The following SCNN1A variants were observed in gnomAD, a reference collection of about 807,000 sequenced individuals.
The protein encoded by SCNN1A is epithelial sodium channel subunit alpha.
In SCNN1A, 65 loss-of-function variants were observed where a neutral mutation model predicts 68.6. That is an observed-to-expected ratio of 0.95 (90% confidence interval 0.78 to 1.16). The LOEUF is 1.16. Ranked by LOEUF, SCNN1A falls within the 50% of genes most tolerant of loss-of-function variation. The pLI, the probability that SCNN1A is intolerant of heterozygous loss-of-function variation, is 0.00. For missense variants in SCNN1A, 880 were observed against 865.9 expected, an observed-to-expected ratio of 1.02 and a Z score of -0.20; for synonymous variants, 357 against 353.3, an observed-to-expected ratio of 1.01 and a Z score of -0.12.
chr12:6,366,327 CAT>C (rs1393465240), intron 2 of SCNN1A, among the ~76,000 whole-genome samples: 1 of 152,194 alleles, frequency 6.6e-6, no homozygotes, highest in Admixed American at 6.5e-5. Flanking sequence ...GCCCCCACAA[CAT>C]ACACACACAA....
At chr12:6,355,682 G>A (rs1948484725) in intron 5 of SCNN1A, 95 bp downstream of exon 5, 1 of 978,786 alleles carries the variant, frequency 1.0e-6, no homozygotes, top group Non-Finnish European at 1.7e-6. Context: ...CAGCAGGCAG[G>A]ACCCCTCCCA....
In SCNN1A at chr12:6,363,532, C is replaced by A. The variant is rs753587879; in HGVS notation, c.595G>T (p.Gly199Trp). ...QRLRVPPPPH[G>W]ARRARSVASS... is the part of the protein sequence containing the mutation. ...GCCACGCTACGGGCTCGACGGGCCC[C>A]GTGAGGCGGGGGCGGGACCCTCAGG... The change falls in exon 3 of 13, where the codon GGG becomes TGG. Residue 199 changes from glycine (G) to tryptophan (W), a missense_variant. By Grantham distance (184) the Gly-to-Trp change is radical. Transcript: ENST00000228916. 3 of 1,609,454 alleles carry A rather than the reference C, an allele frequency of 1.9e-6. No individual in the cohort carries two copies. The highest frequency in any genetic ancestry group is 2.2e-5 in the East Asian group (1 of 44,720).
rs1418937220 is a variant in SCNN1A, at chr12:6,354,479, T to G, written c.1319A>C (p.Gln440Pro). 6.2e-7 allele frequency: 1 copy of G among 1,613,418 alleles called. No individual in the cohort carries two copies. Among genetic ancestry groups the G allele is most frequent in the Non-Finnish European group, 8.5e-7 (1 of 1,179,958 alleles). The change falls in exon 8 of 13, where the codon CAG becomes CCG. Residue 440 changes from glutamine (Q) to proline (P), a missense_variant. By Grantham distance (76) the Gln-to-Pro change is moderately conservative. Around this residue, in one of 3 missense-constraint regions of SCNN1A, gnomAD observed 758 missense variants for 721.8 expected, o/e 1.05. Coordinates refer to ENST00000228916, the MANE Select transcript of SCNN1A (RefSeq NM_001038.6). ...TCTGTAGTCACAGTACTCCACGTTC[T>G]GGGGCCGCGGATAGAAGATGTAGGC... ...GCAYIFYPRPQNVEYCDYRKH... is the reference protein window; with the variant it reads ...GCAYIFYPRPPNVEYCDYRKH...
In SCNN1A at chr12:6,363,427, G is replaced by C. The variant is rs1948616362; in HGVS notation, c.684+16C>G. 1.3e-6 allele frequency: 2 copies of C among 1,530,318 alleles called. No homozygotes were observed. The highest frequency in any genetic ancestry group is 4.1e-5 in the Admixed American group (2 of 48,776). 94.8% of individuals were successfully genotyped at this position (1,530,318 alleles called of 1,614,324 possible). A position where few individuals can be genotyped will look rare whatever the true frequency, so the allele number is the denominator to read the frequency against. ...GGCGAGGGGCGGGGCGGGCCCCTCG[G>C]CGCTGCGGGCCTCACCAGCTGGAAG... On this transcript the variant is annotated intron_variant, in intron 3 of 12. Coordinates refer to ENST00000228916, the MANE Select transcript of SCNN1A (RefSeq NM_001038.6).
intron 8 of SCNN1A, among the ~76,000 whole-genome samples, chr12:6,352,438 C>A (rs929174214): frequency 6.6e-6 from 1 of 152,138 alleles, no homozygotes. Flanking sequence ...GGAAGTAAGC[C>A]CTAGGAAATG....
In SCNN1A at chr12:6,348,021, G is replaced by A; in HGVS notation, c.1862C>T (p.Pro621Leu). 6.3e-7 allele frequency: 1 copy of A among 1,598,402 alleles called. No individual in the cohort carries two copies. The highest frequency in any genetic ancestry group is 1.3e-5 in the African/African-American group (1 of 74,538). ...SSPPSHFCPHPMSLSLSQPGP... is the reference protein window; with the variant it reads ...SSPPSHFCPHLMSLSLSQPGP... ...TGGCTGGGACAAGGACAGAGACATGGGGTGGGGGCAGAAGTGGGAAGGAGG... is the reference window on the plus strand; with the variant it reads ...TGGCTGGGACAAGGACAGAGACATGAGGTGGGGGCAGAAGTGGGAAGGAGG... Residue 621 changes from proline (P) to leucine (L), a missense_variant, in exon 13 of 13, where the codon CCC becomes CTC. Pro to Leu is a moderately conservative substitution (Grantham distance 98). Around this residue, in one of 3 missense-constraint regions of SCNN1A, gnomAD observed 758 missense variants for 721.8 expected, o/e 1.05. Transcript: ENST00000228916.
chr12:6,373,837 C>T (rs1439101222), intron 2 of SCNN1A, among the ~76,000 whole-genome samples: 1 of 152,130 alleles, frequency 6.6e-6, no homozygotes, highest in Non-Finnish European at 1.5e-5. Flanking sequence ...CACTTGCAGC[C>T]CTAACCTCCA....
rs905384098 is a variant in SCNN1A at position 6,362,384 on chromosome 12, G to A, written c.685-143C>T. 26 of 769,862 alleles carry A rather than the reference G, an allele frequency of 3.4e-5. No individual in the cohort carries two copies. In the Admixed American group the frequency reaches 4.6e-4, roughly 14 times the overall value. 47.7% of individuals were successfully genotyped at this position (769,862 alleles called of 1,614,324 possible). A position where few individuals can be genotyped will look rare whatever the true frequency, so the allele number is the denominator to read the frequency against. On this transcript the variant is annotated intron_variant, in intron 3 of 12. Transcript: ENST00000228916. The stretch of plus-strand genomic sequence containing the variant: ...GCCAGGAGTGGGGAAAGACAGAAGT[G>A]GAAGAGAAGCAGAAGTCCCTAGGAG...
chr12:6,352,891 G>T (rs1010406749), intron 8 of SCNN1A, among the ~76,000 whole-genome samples: 4 of 152,228 alleles, frequency 2.6e-5, no homozygotes, highest in African/African-American at 9.6e-5. Flanking sequence ...GCCTTTGAGG[G>T]CCTCTGTGTC....
At position 6,374,365 on chromosome 12, in the gene SCNN1A, G is replaced by T; in HGVS notation, c.416+3C>A. The stretch of plus-strand genomic sequence containing the variant: ...CAGGGAAGGGGCAGAGGGACTAACC[G>T]ACCTGTAGGGATTGAGGGTGCAGAT... On this transcript the variant is annotated splice_donor_region_variant and intron_variant, in intron 2 of 12. Transcript: ENST00000228916. This position sits in a 1 kb window ranked among gnomAD's most constrained non-coding sequence, Gnocchi z 6.2. 6.2e-7 allele frequency: 1 copy of T among 1,614,070 alleles called. No homozygotes were observed. The highest frequency in any genetic ancestry group is 8.5e-7 in the Non-Finnish European group (1 of 1,179,978).
At chr12:6,363,363 GA>G in intron 3 of SCNN1A, 79 bp downstream of exon 3, 4 of 1,319,362 alleles carry the variant, frequency 3.0e-6, no homozygotes, top group Non-Finnish European at 4.0e-6. Flanking sequence ...GGCGGGTCAG[GA>G]AAGGAGCGGA....
intron 4 of SCNN1A, among the ~76,000 whole-genome samples, chr12:6,357,279 GA>G (rs201439092): frequency 4.0e-5 from 6 of 149,120 alleles, no homozygotes; most frequent in South Asian, 2.1e-4. Flanking sequence ...ATAGAGCTTC[GA>G]AAAAAAAAAG....
At position 6,354,808 on chromosome 12, in the gene SCNN1A, G is replaced by A. The variant is rs767449498; in HGVS notation, c.1184C>T (p.Thr395Ile). The part of the protein sequence containing the change: ...DRLGGDYGDC[T>I]KNGSDVPVEN... ...AACAGGAACATCACTGCCATTCTTG[G>A]TGCAGTCGCCATAATCGCCCCCAAG... is the stretch of plus-strand genomic sequence containing the variant. Residue 395 changes from threonine (T) to isoleucine (I), a missense_variant, in exon 7 of 13, where the codon ACC becomes ATC. Transcript: ENST00000228916. 1.9e-6 allele frequency: 3 copies of A among 1,613,842 alleles called. No homozygotes were observed. Among genetic ancestry groups the A allele is most frequent in the Non-Finnish European group, 2.5e-6 (3 of 1,179,988 alleles).
Position 6,351,496 on chromosome 12 carries a change from G to A in SCNN1A, c.1361-2091C>T, listed in dbSNP as rs189244334. Among the ~76,000 whole-genome samples the A allele has an allele frequency of 9.4e-4, 143 of 152,146 alleles. No individual in the cohort carries two copies. The highest frequency in any genetic ancestry group is 3.3e-3 in the African/African-American group (136 of 41,498). ...AAATTAGCTGGGCTTGGCAGCATGC[G>A]CCTGTATGTAGTCCCAGGTACTCGG... On this transcript the variant is annotated intron_variant, in intron 8 of 12. Transcript: ENST00000228916. This position sits in a 1 kb window ranked among gnomAD's most constrained non-coding sequence, Gnocchi z 4.2.
At chr12:6,356,561 T>C (rs58989823) in intron 4 of SCNN1A, among the ~76,000 whole-genome samples, 34,613 of 152,160 alleles carry the variant, frequency 0.23, 8,529 homozygotes, top group African/African-American at 0.62. Flanking sequence ...AAGTGTTTCC[T>C]GGGAGCCTCT....
At chr12:6,355,556 A>G in intron 5 of SCNN1A, 121 bp from the exon 6 acceptor site, 1 of 1,245,054 alleles carries the variant, frequency 8.0e-7, no homozygotes, top group African/African-American at 1.5e-5. Context: ...CAAGTTCAGG[A>G]AGACCCGCAA....
At chr12:6,359,764 C>CTTT (rs59652159) in intron 4 of SCNN1A, among the ~76,000 whole-genome samples, 1,818 of 76,926 alleles carry the variant, frequency 0.024, 112 homozygotes, top group Non-Finnish European at 0.029. Context: ...TCAGATATTC[C>CTTT]TTTTTTTTTT....
Position 6,349,369 on chromosome 12 carries a change from G to T in SCNN1A, c.1397C>A (p.Ser466Ter). 6.2e-7 allele frequency: 1 copy of T among 1,609,714 alleles called. No homozygotes were observed. The highest frequency in any genetic ancestry group is 1.1e-5 in the South Asian group (1 of 90,480). The part of the protein sequence containing the change: ...CYYKLQVDFS[S>*]DHLGCFTKCR... ...CTTGGTGAAACAGCCCAGGTGGTCT[G>T]AGGAGAAGTCAACCTGGAGCTTATA... Residue 466 changes from serine to a stop codon, truncating the protein, a stop_gained, in exon 9 of 13, where the codon TCA becomes TAA. Transcript: ENST00000228916. LOFTEE classifies it high-confidence loss of function.
chr12:6,355,721 G>A (rs1271517117), intron 5 of SCNN1A, 56 bp downstream of exon 5: 2 of 1,234,760 alleles, frequency 1.6e-6, no homozygotes, highest in East Asian at 2.3e-5. Context: ...CTCAAGGTAA[G>A]TACAGGTGAG....
Sources: gnomAD v4.1 joint callset for allele counts (sites outside exome capture counted in the v4.1 genomes callset) on GRCh38, gnomAD v4.1.1 for gene constraint, gnomAD v4.1.1 regional missense constraint, Gnocchi (gnomAD v3.1) non-coding constraint, MANE v1.5 for transcripts, NCBI Gene and HGNC (gene_info 2026-07-23, HGNC 2026-07-21) for gene names.